The following GLRB variants were observed in gnomAD, a reference collection of about 807,000 sequenced individuals.
GLRB encodes the protein glycine receptor beta.
Under a neutral mutation model 54.2 loss-of-function variants are expected in GLRB, and 33 were observed. The observed-to-expected ratio is 0.61, with a 90% CI of 0.46 to 0.81. GLRB has a LOEUF of 0.81. Ranked by LOEUF, GLRB falls within the 40% of genes least tolerant of loss-of-function variation. The pLI, the probability that GLRB is intolerant of heterozygous loss-of-function variation, is 0.00. For synonymous variants in GLRB, 209 were observed against 208.2 expected, an observed-to-expected ratio of 1.00 and a Z score of -0.03; for missense variants, 572 against 584.6, an observed-to-expected ratio of 0.98 and a Z score of 0.22.
intron 2 of GLRB, among the ~76,000 whole-genome samples, chr4:157,116,472 A>G (rs1317214220): frequency 6.6e-6 from 1 of 151,626 alleles, no homozygotes; most frequent in Non-Finnish European, 1.5e-5. Flanking sequence ...ATAACAAAGC[A>G]GGCATTAAGT....
chr4:157,163,450 C>A (rs956732808), intron 9 of GLRB, among the ~76,000 whole-genome samples: 1 of 152,174 alleles, frequency 6.6e-6, no homozygotes, highest in South Asian at 2.1e-4. Flanking sequence ...CATCTTGGAA[C>A]CTATGATCAT....
At chr4:157,091,973 CA>C (rs904727567) in intron 2 of GLRB, among the ~76,000 whole-genome samples, 1 of 152,080 alleles carries the variant, frequency 6.6e-6, no homozygotes, top group Non-Finnish European at 1.5e-5. Context: ...TCAAATGCTA[CA>C]AAAAATCAAT....
chr4:157,125,107 A>G (rs866870668), intron 4 of GLRB, among the ~76,000 whole-genome samples: 3 of 152,044 alleles, frequency 2.0e-5, no homozygotes, highest in Middle Eastern at 3.4e-3. Context: ...ATTTCTTCAT[A>G]ATTTGTTATA....
At chr4:157,103,020 G>A (rs1016304926) in intron 2 of GLRB, among the ~76,000 whole-genome samples, 3 of 151,958 alleles carry the variant, frequency 2.0e-5, no homozygotes, top group African/African-American at 7.2e-5. Context: ...GCATGGGGAT[G>A]CACGCCTGTA....
chr4:157,111,558 A>G (rs886604255), intron 2 of GLRB, among the ~76,000 whole-genome samples: 3 of 151,886 alleles, frequency 2.0e-5, no homozygotes, highest in African/African-American at 4.8e-5. Context: ...TTATTTTCCT[A>G]CGAGTTCAGT....
At chr4:157,148,177 G>C (rs184154653) in intron 8 of GLRB, among the ~76,000 whole-genome samples, 4 of 152,180 alleles carry the variant, frequency 2.6e-5, no homozygotes, top group East Asian at 1.9e-4. Flanking sequence ...AAAAGTGTTC[G>C]TAGTACTCCC....
At chr4:157,113,280 TG>T (rs1735487781) in intron 2 of GLRB, among the ~76,000 whole-genome samples, 1 of 151,930 alleles carries the variant, frequency 6.6e-6, no homozygotes, top group Admixed American at 6.6e-5. Flanking sequence ...GATTTGTACT[TG>T]CTGGGCCAGG....
At chr4:157,079,454 G>A (rs952842381) in intron 2 of GLRB, among the ~76,000 whole-genome samples, 1 of 152,186 alleles carries the variant, frequency 6.6e-6, no homozygotes, top group Non-Finnish European at 1.5e-5. Context: ...ATTCTGGAGA[G>A]AGTATCATGA....
intron 8 of GLRB, 59 bp downstream of exon 8, chr4:157,144,018 A>C: frequency 6.7e-7 from 1 of 1,488,692 alleles, no homozygotes. Context: ...TATCTAACTT[A>C]CCATATAATC....
intron 2 of GLRB, among the ~76,000 whole-genome samples, chr4:157,107,075 T>G (rs1351586599): frequency 6.6e-6 from 1 of 152,062 alleles, no homozygotes; most frequent in Admixed American, 6.6e-5. Flanking sequence ...GTGTTACTGT[T>G]GTAATTGTTT....
At chr4:157,136,263 C>G in intron 4 of GLRB, 1 of 562,638 alleles carries the variant, frequency 1.8e-6, no homozygotes, top group Non-Finnish European at 3.2e-6. Context: ...GGAATGTCTG[C>G]AGAGAGTAAT....
At chr4:157,115,251 G>GT (rs34188430) in intron 2 of GLRB, among the ~76,000 whole-genome samples, 1,457 of 112,440 alleles carry the variant, frequency 0.013, 11 homozygotes, top group Middle Eastern at 0.03. Flanking sequence ...CCATTATGGT[G>GT]TTTTTTTTTT....
intron 4 of GLRB, among the ~76,000 whole-genome samples, chr4:157,122,771 C>A (rs1441278768): frequency 6.6e-6 from 1 of 151,670 alleles, no homozygotes; most frequent in African/African-American, 2.4e-5. Flanking sequence ...AAGTTTTTTT[C>A]TTCCAATTTC....
intron 8 of GLRB, among the ~76,000 whole-genome samples, chr4:157,150,769 AT>A (rs1736993813): frequency 1.3e-5 from 2 of 151,570 alleles, no homozygotes; most frequent in African/African-American, 2.4e-5. Context: ...CTTTGTCTCA[AT>A]TTTTTCCTTC....
chr4:157,110,619 CA>C (rs1302577313), intron 2 of GLRB, among the ~76,000 whole-genome samples: 1 of 151,842 alleles, frequency 6.6e-6, no homozygotes, highest in Non-Finnish European at 1.5e-5. Context: ...CATATATTTC[CA>C]TTCGGGTTGG....
At chr4:157,118,813 C>T (rs1473689345) in intron 2 of GLRB, among the ~76,000 whole-genome samples, 2 of 151,478 alleles carry the variant, frequency 1.3e-5, no homozygotes, top group African/African-American at 2.4e-5. Flanking sequence ...TCTAAGTTTC[C>T]TTCATATAAA....
intron 2 of GLRB, 75 bp from the exon 3 acceptor site, chr4:157,120,481 C>T (rs571905238): frequency 2.6e-4 from 176 of 680,532 alleles, no homozygotes; most frequent in Non-Finnish European, 4.0e-4. Context: ...GGCAGTCTTT[C>T]CTCCCAATGA....
At position 157,168,348 on chromosome 4, in the gene GLRB, G is replaced by A. The variant is rs553377734; in HGVS notation, c.1198-2084G>A. Among the ~76,000 whole-genome samples the A allele has an allele frequency of 8.5e-5, 13 of 152,180 alleles. No individual in the cohort carries two copies. The East Asian group carries it at 1.2e-3, about 14-fold the overall frequency. On this transcript the variant is annotated intron_variant, in intron 9 of 9. Transcript: ENST00000264428. ...CTTCTTGACACACATTCTTAGAAGC[G>A]AATTTGGCTATATTAACCTACAATT...
intron 2 of GLRB, among the ~76,000 whole-genome samples, chr4:157,112,383 G>T (rs150500216): frequency 1.3e-5 from 2 of 151,942 alleles, no homozygotes; most frequent in Non-Finnish European, 2.9e-5. Context: ...CATAGCAAGT[G>T]CATGGCACAT....
Sources: gnomAD v4.1 joint callset for allele counts (sites outside exome capture counted in the v4.1 genomes callset) on GRCh38, gnomAD v4.1.1 for gene constraint, MANE v1.5 for transcripts, NCBI Gene and HGNC (gene_info 2026-07-23, HGNC 2026-07-21) for gene names.